The following CEP41 variants were observed in gnomAD, a reference collection of about 807,000 sequenced individuals.
The protein encoded by CEP41 is centrosomal protein of 41 kDa.
A neutral mutation model predicts 44.3 loss-of-function variants in CEP41; 32 were observed. The observed-to-expected ratio is 0.72, with a 90% CI of 0.54 to 0.97. The LOEUF (loss-of-function observed/expected upper bound fraction) is 0.97, where lower values mean the gene tolerates loss of function less well. Among genes scored for constraint, CEP41 ranks in the 50% least tolerant of loss-of-function variants. The probability of loss-of-function intolerance (pLI) is 0.00; values close to 1 mark genes in which losing one functional copy is unlikely to be tolerated. For synonymous variants in CEP41, 151 were observed against 168.5 expected, an observed-to-expected ratio of 0.90 and a Z score of 0.80; for missense variants, 432 against 455.2, an observed-to-expected ratio of 0.95 and a Z score of 0.46.
intron 4 of CEP41, among the ~76,000 whole-genome samples, chr7:130,411,793 G>C (rs1426923606): frequency 6.6e-6 from 1 of 152,104 alleles, no homozygotes; most frequent in Non-Finnish European, 1.5e-5. Flanking sequence ...GCTCTGGCAG[G>C]ATGATTTGGA....
intron 10 of CEP41, 136 bp downstream of exon 10, chr7:130,399,903 C>T (rs1796790477): frequency 1.3e-6 from 1 of 754,480 alleles, no homozygotes; most frequent in Non-Finnish European, 2.4e-6. Flanking sequence ...CCTCCACTGC[C>T]TCCCCTCCCC....
chr7:130,410,218 A>G (rs920284153), intron 5 of CEP41, among the ~76,000 whole-genome samples: 6 of 151,720 alleles, frequency 4.0e-5, no homozygotes, highest in Admixed American at 1.3e-4. Context: ...TAGTAGAGAC[A>G]GGGTTTCACC....
intron 2 of CEP41, chr7:130,421,856 G>T: frequency 6.8e-7 from 1 of 1,469,732 alleles, no homozygotes; most frequent in East Asian, 2.5e-5. Context: ...CTGCAGTGCT[G>T]CAAAACAGAA....
Position 130,395,737 on chromosome 7 carries a change from A to G in CEP41, c.*3154T>C, listed in dbSNP as rs1554414213. On this transcript the variant is annotated 3_prime_UTR_variant, in exon 11 of 11. Coordinates refer to ENST00000223208, the MANE Select transcript of CEP41 (RefSeq NM_018718.3). ...TTCTGTTTTCTTGGTCGAGTAGCCT[A>G]AAGTCTTAAGAATTTTTGTATAATT... 2.2e-6 allele frequency: 1 copy of G among 453,840 alleles called. No homozygotes were observed. The highest frequency in any genetic ancestry group is 2.0e-5 in the African/African-American group (1 of 49,988). 28.1% of individuals were successfully genotyped at this position (453,840 alleles called of 1,614,324 possible).
At chr7:130,434,844 C>T (rs1349416648) in intron 1 of CEP41, among the ~76,000 whole-genome samples, 9 of 151,950 alleles carry the variant, frequency 5.9e-5, no homozygotes, top group Admixed American at 5.9e-4. Context: ...GGAATAAAAG[C>T]AATAAGAACC....
chr7:130,440,723 G>C, intron 1 of CEP41: 2 of 624,172 alleles, frequency 3.2e-6, no homozygotes, highest in Non-Finnish European at 5.7e-6. Context: ...GTGCGTACGC[G>C]GGGAGAGATC....
Position 130,419,191 on chromosome 7 carries a change from T to C in CEP41, c.98-2225A>G, listed in dbSNP as rs1471959878. On this transcript the variant is annotated intron_variant, in intron 2 of 10. Coordinates refer to ENST00000223208, the MANE Select transcript of CEP41 (RefSeq NM_018718.3). ...AAGTTTTTTGCAATTATACAAATAT[T>C]TGGTGAAATTCAGACCAAATCTGAG... 5 of 985,354 alleles carry C rather than the reference T, an allele frequency of 5.1e-6. No homozygotes were observed. The African/African-American group carries it at 8.7e-5, about 17-fold the overall frequency. The allele number at this position is 985,354 out of a possible 1,614,324, so 61.0% of individuals were successfully genotyped here. A position where few individuals can be genotyped will look rare whatever the true frequency, so the allele number is the denominator to read the frequency against.
chr7:130,433,422 A>C (rs1395272937), intron 1 of CEP41, among the ~76,000 whole-genome samples: 8 of 152,000 alleles, frequency 5.3e-5, no homozygotes, highest in Admixed American at 5.2e-4. Context: ...GTGGGAGAGG[A>C]TGAGGTCCAG....
intron 1 of CEP41, among the ~76,000 whole-genome samples, chr7:130,437,205 A>G (rs1430211381): frequency 6.6e-6 from 1 of 152,196 alleles, no homozygotes. Context: ...TAGGTTATCT[A>G]TATGAATACA....
Position 130,397,634 on chromosome 7 carries a change from A to G in CEP41, c.*1257T>C. 2.2e-6 allele frequency: 1 copy of G among 452,872 alleles called. No individual in the cohort carries two copies. Among genetic ancestry groups the G allele is most frequent in the South Asian group, 1.6e-5 (1 of 64,408 alleles). 28.1% of individuals were successfully genotyped at this position (452,872 alleles called of 1,614,324 possible). A position where few individuals can be genotyped will look rare whatever the true frequency, so the allele number is the denominator to read the frequency against. On this transcript the variant is annotated 3_prime_UTR_variant, in exon 11 of 11. Coordinates refer to ENST00000223208, the MANE Select transcript of CEP41 (RefSeq NM_018718.3). ...GGCTTTTCAGAAGCTGGTTGCCATGACAAAGAGCACAATTTATTCCTCAGT... is the reference window on the plus strand; with the variant it reads ...GGCTTTTCAGAAGCTGGTTGCCATGGCAAAGAGCACAATTTATTCCTCAGT...
chr7:130,394,794 G>C lies in CEP41; in HGVS notation c.*4097C>G, dbSNP rs543573341. 368 of 454,060 alleles carry C rather than the reference G, an allele frequency of 8.1e-4. No homozygotes were observed. Among genetic ancestry groups the C allele is most frequent in the African/African-American group, 6.8e-3 (339 of 50,108 alleles). The allele number at this position is 454,060 out of a possible 1,614,324, so 28.1% of individuals were successfully genotyped here. Reference sequence around the variant, plus strand: ...CACTTATTAAGGGCCACTGTCACAGGGTTGGTGATTTTCACTCTCTGGGAG... The same window carrying C: ...CACTTATTAAGGGCCACTGTCACAGCGTTGGTGATTTTCACTCTCTGGGAG... On this transcript the variant is annotated 3_prime_UTR_variant, in exon 11 of 11. Coordinates refer to ENST00000223208, the MANE Select transcript of CEP41 (RefSeq NM_018718.3).
intron 3 of CEP41, among the ~76,000 whole-genome samples, chr7:130,414,575 T>C (rs1797278887): frequency 6.6e-6 from 1 of 152,196 alleles, no homozygotes; most frequent in African/African-American, 2.4e-5. Flanking sequence ...AAGATTAATT[T>C]AAACAAACAA....
At chr7:130,406,928 G>T (rs12706929) in intron 5 of CEP41, among the ~76,000 whole-genome samples, 2 of 151,188 alleles carry the variant, frequency 1.3e-5, no homozygotes, top group Non-Finnish European at 2.9e-5. Flanking sequence ...TGTAACAAAC[G>T]TGCACATTGT....
intron 5 of CEP41, among the ~76,000 whole-genome samples, chr7:130,409,424 G>C (rs1554418916): frequency 6.6e-6 from 1 of 152,222 alleles, no homozygotes; most frequent in East Asian, 1.9e-4. Flanking sequence ...TGGAGTACTT[G>C]TATGAGGAGA....
At chr7:130,421,594 A>C (rs1323973830) in intron 2 of CEP41, 1 of 991,690 alleles carries the variant, frequency 1.0e-6, no homozygotes, top group Non-Finnish European at 1.2e-6. Context: ...ATTCAGGAAA[A>C]GTAAAGCCTA....
chr7:130,436,247 C>A (rs552572378), intron 1 of CEP41, among the ~76,000 whole-genome samples: 50 of 150,942 alleles, frequency 3.3e-4, no homozygotes, highest in Non-Finnish European at 5.6e-4. Context: ...CTGCTACATG[C>A]AACAACTTGT....
intron 1 of CEP41, among the ~76,000 whole-genome samples, chr7:130,434,981 A>G (rs1797921247): frequency 6.6e-6 from 1 of 152,146 alleles, no homozygotes; most frequent in African/African-American, 2.4e-5. Context: ...CACACCAAAT[A>G]CTTAGGTAAG....
intron 2 of CEP41, chr7:130,422,120 A>G: frequency 7.9e-7 from 1 of 1,265,118 alleles, no homozygotes; most frequent in Non-Finnish European, 1.1e-6. Flanking sequence ...TAAAAACAAA[A>G]AATAATCTTT....
chr7:130,421,091 C>T (rs1797494744), intron 2 of CEP41: 1 of 983,968 alleles, frequency 1.0e-6, no homozygotes, highest in Admixed American at 6.1e-5. Flanking sequence ...CAAAACTTTA[C>T]AATTAGAATC....
Sources: allele counts gnomAD v4.1 joint callset (sites outside exome capture counted in the v4.1 genomes callset), GRCh38; gene constraint gnomAD v4.1.1; transcripts MANE v1.5; gene names NCBI Gene and HGNC (gene_info 2026-07-23, HGNC 2026-07-21).